Variants in TBC1D16 observed in about 807,000 individuals in gnomAD.
TBC1D16 encodes the protein TBC1 domain family member 16.
In TBC1D16, 58 loss-of-function variants were observed where a neutral mutation model predicts 74.7. The ratio of observed to expected loss-of-function variants is 0.78; its 90% CI spans 0.63 to 0.97. The LOEUF (loss-of-function observed/expected upper bound fraction) is 0.97. TBC1D16 is among the 50% of genes least tolerant of loss of function. The pLI is 0.00. For synonymous variants in TBC1D16, 493 were observed against 474.7 expected (o/e 1.04, Z -0.50); for missense variants, 1,014 against 1,079.5 (o/e 0.94, Z 0.85).
intron 3 of TBC1D16, among the ~76,000 whole-genome samples, chr17:80,002,500 T>C (rs1225096271): frequency 1.3e-5 from 2 of 152,188 alleles, no homozygotes. Flanking sequence ...AGGTGAACCC[T>C]TGTGCCATCG....
At position 79,971,730 on chromosome 17, in the gene TBC1D16, G is replaced by A. The variant is rs969274267; in HGVS notation, c.780-18912C>T. On this transcript the variant is annotated intron_variant, in intron 3 of 11. Transcript: ENST00000310924. The surrounding 1 kb of genome is among the most constrained non-coding windows in gnomAD (Gnocchi z 4.6). ...TGGTGCCCGACCCACCAGGAGACAT[G>A]GACCTCATAGGAGGTGAGCTGAGGA... 1.3e-5 allele frequency among the ~76,000 whole-genome samples: 2 copies of A among 152,200 alleles called. No homozygotes were observed. The highest frequency in any genetic ancestry group is 2.9e-5 in the Non-Finnish European group (2 of 68,034).
chr17:80,003,515 C>T (rs2035567796), intron 3 of TBC1D16, among the ~76,000 whole-genome samples: 1 of 152,216 alleles, frequency 6.6e-6, no homozygotes, highest in Admixed American at 6.5e-5. Flanking sequence ...TAGTTAGCAG[C>T]GTGCAGCGCA....
At position 79,932,778 on chromosome 17, in the gene TBC1D16, T is replaced by C. The variant is rs1011749852; in HGVS notation, c.*8081A>G. On this transcript the variant is annotated 3_prime_UTR_variant, in exon 12 of 12. Transcript: ENST00000310924. ...GGGTTTTGAAGCAGCTTCTGCGTCA[T>C]TGGGAGCTGGCTGCTGCGCCCAGCC... 4.6e-5 allele frequency: 7 copies of C among 152,220 alleles called. No individual in the cohort carries two copies. The highest frequency in any genetic ancestry group is 1.2e-4 in the African/African-American group (5 of 41,450). The allele number at this position is 152,220 out of a possible 1,614,324, so 9.4% of individuals were successfully genotyped here.
chr17:79,997,501 G>A (rs760990421), intron 3 of TBC1D16, among the ~76,000 whole-genome samples: 6 of 152,192 alleles, frequency 3.9e-5, no homozygotes, highest in African/African-American at 7.2e-5. Context: ...ACCATGGCCC[G>A]AGGGCCAAAT....
In TBC1D16 at chr17:79,938,646, C is replaced by G. The variant is rs1287400568; in HGVS notation, c.*2213G>C. On this transcript the variant is annotated 3_prime_UTR_variant, in exon 12 of 12. Transcript: ENST00000310924. ...ATTAGGACACAGACTCTCCAGAGTC[C>G]CAGTTGTTTAGCCCTCCAAATTCTC... The G allele has an allele frequency of 6.6e-6, 1 of 152,204 alleles. No individual in the cohort carries two copies. The highest frequency in any genetic ancestry group is 1.5e-5 in the Non-Finnish European group (1 of 68,076). The allele number at this position is 152,204 out of a possible 1,614,324, so 9.4% of individuals were successfully genotyped here.
intron 3 of TBC1D16, among the ~76,000 whole-genome samples, chr17:79,958,715 T>C (rs1161541319): frequency 6.6e-6 from 1 of 152,170 alleles, no homozygotes; most frequent in Non-Finnish European, 1.5e-5. Flanking sequence ...GACAAACCTG[T>C]CTACAAACTA....
chr17:79,951,784 C>T (rs1002161431), intron 4 of TBC1D16, among the ~76,000 whole-genome samples, 187 bp from the exon 5 acceptor site: 4 of 152,184 alleles, frequency 2.6e-5, no homozygotes, highest in Admixed American at 6.5e-5. Flanking sequence ...CCCCCTTTGC[C>T]GAAGATGGCA....
chr17:79,972,356 T>C (rs1427831963), intron 3 of TBC1D16, among the ~76,000 whole-genome samples: 1 of 152,070 alleles, frequency 6.6e-6, no homozygotes, highest in Non-Finnish European at 1.5e-5. Flanking sequence ...TTTGTATTTT[T>C]AGTAGAGACA....
chr17:79,960,262 A>G (rs534132110), intron 3 of TBC1D16, among the ~76,000 whole-genome samples: 2 of 152,304 alleles, frequency 1.3e-5, no homozygotes, highest in African/African-American at 4.8e-5. Context: ...TCAAAACAGT[A>G]ATAAGAAAAC....
Position 80,010,895 on chromosome 17 carries a change from C to A in TBC1D16, c.182-138G>T. On this transcript the variant is annotated intron_variant, in intron 2 of 11. Transcript: ENST00000310924. The surrounding 1 kb of genome is among the most constrained non-coding windows in gnomAD (Gnocchi z 8.8). The stretch of plus-strand genomic sequence containing the variant: ...GTCCGGCCTCAGATACAGCCTGGCC[C>A]TGAGCAAAAACACTAGAGGGAAACT... 1.9e-6 allele frequency: 1 copy of A among 522,020 alleles called. No homozygotes were observed. Among genetic ancestry groups the A allele is most frequent in the South Asian group, 5.6e-5 (1 of 17,758 alleles). The allele number at this position is 522,020 out of a possible 1,614,324, so 32.3% of individuals were successfully genotyped here.
chr17:80,004,553 G>T (rs547502127), intron 3 of TBC1D16, among the ~76,000 whole-genome samples: 137 of 152,342 alleles, frequency 9.0e-4, no homozygotes, highest in African/African-American at 3.2e-3. Context: ...ATCCAACAGA[G>T]GGACCTTAGA....
At chr17:80,025,246 T>G (rs2036535041) in intron 1 of TBC1D16, among the ~76,000 whole-genome samples, 1 of 150,052 alleles carries the variant, frequency 6.7e-6, no homozygotes. Flanking sequence ...CTACCAGCTT[T>G]GCCTCTGTTC....
chr17:79,978,880 C>T lies in TBC1D16; in HGVS notation c.780-26062G>A, dbSNP rs186636646. Among the ~76,000 whole-genome samples the T allele has an allele frequency of 6.5e-3, 991 of 152,354 alleles. 5 individuals carry two copies. The highest frequency in any genetic ancestry group is 0.01 in the Non-Finnish European group (694 of 68,038). ...AAAGCAAAATAATTAATAGCTCAAG[C>T]AGTCTAGAGACCACTCCCAGTTGCT... On this transcript the variant is annotated intron_variant, in intron 3 of 11. Coordinates refer to ENST00000310924, the MANE Select transcript of TBC1D16 (RefSeq NM_019020.4).
At chr17:79,957,154 G>A (rs2143829674) in intron 3 of TBC1D16, among the ~76,000 whole-genome samples, 1 of 152,324 alleles carries the variant, frequency 6.6e-6, no homozygotes, top group East Asian at 1.9e-4. Flanking sequence ...GTAGGTATTG[G>A]AGGAGTGAGC....
chr17:80,010,890 T>C lies in TBC1D16; in HGVS notation c.182-133A>G, dbSNP rs1476901803. ...TGCCAGTCCGGCCTCAGATACAGCC[T>C]GGCCCTGAGCAAAAACACTAGAGGG... is the stretch of plus-strand genomic sequence containing the variant. On this transcript the variant is annotated intron_variant, in intron 2 of 11. Transcript: ENST00000310924. This position sits in a 1 kb window ranked among gnomAD's most constrained non-coding sequence, Gnocchi z 8.8. 1.1e-5 allele frequency: 6 copies of C among 542,368 alleles called. No homozygotes were observed. The highest frequency in any genetic ancestry group is 1.8e-5 in the Non-Finnish European group (6 of 327,550). The allele number at this position is 542,368 out of a possible 1,614,324, so 33.6% of individuals were successfully genotyped here. A position where few individuals can be genotyped will look rare whatever the true frequency, so the allele number is the denominator to read the frequency against.
chr17:79,950,144 A>G lies in TBC1D16; in HGVS notation c.1257+267T>C, dbSNP rs2032925858. Reference sequence around the variant, plus strand: ...CCTGGTTTTGGAAATGCTGCATTTCACTGCAAACCCTTCTATGCAGGCTGA... The same window carrying G: ...CCTGGTTTTGGAAATGCTGCATTTCGCTGCAAACCCTTCTATGCAGGCTGA... On this transcript the variant is annotated intron_variant, in intron 6 of 11. Transcript: ENST00000310924. The surrounding 1 kb of genome is among the most constrained non-coding windows in gnomAD (Gnocchi z 4.6). Among the ~76,000 whole-genome samples, 1 of 151,986 alleles carries G rather than the reference A, an allele frequency of 6.6e-6. No individual in the cohort carries two copies. Among genetic ancestry groups the G allele is most frequent in the African/African-American group, 2.4e-5 (1 of 41,354 alleles).
In TBC1D16 at chr17:79,956,117, G is replaced by A. The variant is rs1344904365; in HGVS notation, c.780-3299C>T. 2.0e-5 allele frequency among the ~76,000 whole-genome samples: 3 copies of A among 152,314 alleles called. No individual in the cohort carries two copies. The highest frequency in any genetic ancestry group is 4.4e-5 in the Non-Finnish European group (3 of 68,032). ...CAGAGCCCCGACACCTGTCAATGGA[G>A]GCCGTTCCAGACCCTCCGCCCACCC... On this transcript the variant is annotated intron_variant, in intron 3 of 11. Transcript: ENST00000310924. This position sits in a 1 kb window ranked among gnomAD's most constrained non-coding sequence, Gnocchi z 4.0.
Position 79,956,648 on chromosome 17 carries a change from T to G in TBC1D16, c.780-3830A>C, listed in dbSNP as rs1282621994. Reference sequence around the variant, plus strand: ...GGACAAGCCAGCTCTCAGAAAAAGCTTGAAGGGGAGGAAGAAACCTTCAAA... The same window carrying G: ...GGACAAGCCAGCTCTCAGAAAAAGCGTGAAGGGGAGGAAGAAACCTTCAAA... On this transcript the variant is annotated intron_variant, in intron 3 of 11. Coordinates refer to ENST00000310924, the MANE Select transcript of TBC1D16 (RefSeq NM_019020.4). This position sits in a 1 kb window ranked among gnomAD's most constrained non-coding sequence, Gnocchi z 4.0. Among the ~76,000 whole-genome samples, 1 of 152,192 alleles carries G rather than the reference T, an allele frequency of 6.6e-6. No homozygotes were observed. The highest frequency in any genetic ancestry group is 2.4e-5 in the African/African-American group (1 of 41,436).
In TBC1D16 at chr17:80,010,204, C is replaced by T. The variant is rs145829020; in HGVS notation, c.735G>A (p.Ala245=). Reference sequence around the variant, plus strand: ...ACACGGAGCCGCGGCTCTCGGCCAGCGCCGCGCTGATGGGCGAGAGGCAGA... The same window carrying T: ...ACACGGAGCCGCGGCTCTCGGCCAGTGCCGCGCTGATGGGCGAGAGGCAGA... ...SPFCLSPISA[A]LAESRGSVFL... is the part of the protein sequence containing the mutation. The change falls in exon 3 of 12, where the codon GCG becomes GCA. Residue 245 remains alanine (A), a synonymous_variant. Transcript: ENST00000310924. The surrounding 1 kb of genome is among the most constrained non-coding windows in gnomAD (Gnocchi z 8.8). 195 of 1,612,802 alleles carry T rather than the reference C, an allele frequency of 1.2e-4. No individual in the cohort carries two copies. The highest frequency in any genetic ancestry group is 1.2e-3 in the African/African-American group (88 of 75,034).
Sources: gnomAD v4.1 joint callset for allele counts (sites outside exome capture counted in the v4.1 genomes callset) on GRCh38, gnomAD v4.1.1 for gene constraint, Gnocchi (gnomAD v3.1) non-coding constraint, MANE v1.5 for transcripts, NCBI Gene and HGNC (gene_info 2026-07-23, HGNC 2026-07-21) for gene names.